The following CHST9 variants were observed in gnomAD, a reference collection of about 807,000 sequenced individuals.
The protein encoded by CHST9 is GalNAc-4-sulfotransferase 2.
In CHST9, 41 loss-of-function variants were observed where a neutral mutation model predicts 44.4. That is an observed-to-expected ratio of 0.92 (90% CI 0.72 to 1.20). The LOEUF (loss-of-function observed/expected upper bound fraction) is 1.20, where lower values mean the gene tolerates loss of function less well. Among genes scored for constraint, CHST9 ranks in the 50% most tolerant of loss-of-function variants. The pLI is 0.00. For synonymous variants in CHST9, 171 were observed against 178.4 expected (o/e 0.96, Z 0.33); for missense variants, 504 against 516.5 (o/e 0.98, Z 0.23).
chr18:27,152,341 CTTT>C (rs11383019), intron 1 of CHST9, among the ~76,000 whole-genome samples: 1 of 148,908 alleles, frequency 6.7e-6, no homozygotes, highest in Non-Finnish European at 1.5e-5. Context: ...AGTGTAGAGT[CTTT>C]TTTTTTTCAT....
At chr18:27,023,980 C>T in intron 4 of CHST9, 136 bp downstream of exon 4, 1 of 805,600 alleles carries the variant, frequency 1.2e-6, no homozygotes, top group South Asian at 1.6e-5. Flanking sequence ...GCCACCTAGG[C>T]AGTGCTTCCT....
intron 1 of CHST9, among the ~76,000 whole-genome samples, chr18:27,172,944 C>T (rs11872883): frequency 0.72 from 109,066 of 151,766 alleles, 39,456 homozygotes; most frequent in East Asian, 0.77. Flanking sequence ...TAAGTTACCA[C>T]ACATATCTGC....
intron 2 of CHST9, among the ~76,000 whole-genome samples, chr18:27,135,668 A>G (rs2143848420): frequency 6.6e-6 from 1 of 152,314 alleles, no homozygotes; most frequent in Admixed American, 6.5e-5. Flanking sequence ...CCGCACTCCC[A>G]GCCTGGCAAA....
At chr18:27,073,409 G>T (rs937381748) in intron 2 of CHST9, among the ~76,000 whole-genome samples, 5 of 123,308 alleles carry the variant, frequency 4.1e-5, no homozygotes, top group African/African-American at 1.5e-4. Flanking sequence ...GGGGGTGGGG[G>T]GTGGGGGTGG....
At chr18:27,016,817 CTTTA>C (rs1403715822) in intron 4 of CHST9, among the ~76,000 whole-genome samples, 5 of 152,154 alleles carry the variant, frequency 3.3e-5, no homozygotes, top group African/African-American at 1.2e-4. Flanking sequence ...ATATTAAAGA[CTTTA>C]TTTAAATACT....
intron 2 of CHST9, among the ~76,000 whole-genome samples, chr18:27,073,408 G>T (rs1464542681): frequency 7.9e-6 from 1 of 126,962 alleles, no homozygotes; most frequent in African/African-American, 2.9e-5. Context: ...TGGGGGTGGG[G>T]GGTGGGGGTG....
At chr18:27,158,857 G>A (rs1360498393) in intron 1 of CHST9, among the ~76,000 whole-genome samples, 1 of 152,300 alleles carries the variant, frequency 6.6e-6, no homozygotes, top group Non-Finnish European at 1.5e-5. Context: ...GATGGCCAGT[G>A]ATGATGAGCA....
intron 3 of CHST9, among the ~76,000 whole-genome samples, chr18:27,029,772 T>C (rs1392181376): frequency 6.6e-6 from 1 of 152,174 alleles, no homozygotes; most frequent in African/African-American, 2.4e-5. Flanking sequence ...GACGCAACCA[T>C]GTTTTTTCCC....
At chr18:27,057,459 C>T (rs1048078301) in intron 2 of CHST9, among the ~76,000 whole-genome samples, 8 of 152,172 alleles carry the variant, frequency 5.3e-5, no homozygotes, top group South Asian at 2.1e-4. Flanking sequence ...CACCAGCCTC[C>T]GCAGACATTG....
intron 3 of CHST9, among the ~76,000 whole-genome samples, chr18:27,046,453 G>A (rs973688996): frequency 2.6e-5 from 4 of 151,936 alleles, no homozygotes; most frequent in Non-Finnish European, 5.9e-5. Context: ...GTCTTTCTTA[G>A]CCAGGAGATA....
At chr18:27,161,854 A>G (rs531681614) in intron 1 of CHST9, among the ~76,000 whole-genome samples, 2,593 of 151,842 alleles carry the variant, frequency 0.017, 63 homozygotes, top group African/African-American at 0.058. Flanking sequence ...TCCCTTTACC[A>G]TTATGTAATG....
At chr18:27,168,232 G>A (rs1011001444) in intron 1 of CHST9, among the ~76,000 whole-genome samples, 4 of 151,982 alleles carry the variant, frequency 2.6e-5, no homozygotes, top group Non-Finnish European at 5.9e-5. Context: ...CCACCACCAC[G>A]CCCGGCTAAT....
chr18:27,119,422 G>C (rs1417437987), intron 2 of CHST9, among the ~76,000 whole-genome samples: 1 of 151,986 alleles, frequency 6.6e-6, no homozygotes, highest in Non-Finnish European at 1.5e-5. Flanking sequence ...TTACTAGCTA[G>C]GTAATATTAA....
chr18:26,916,686 T>A lies in CHST9; in HGVS notation c.905A>T (p.His302Leu), dbSNP rs1405903569. The A allele has an allele frequency of 6.2e-7, 1 of 1,613,816 alleles. No homozygotes were observed. The highest frequency in any genetic ancestry group is 2.2e-5 in the East Asian group (1 of 44,890). ...DKFEHPNSYY[H>L]PVFGKAIIKK... ...GATAATTGCCTTTCCGAATACTGGA[T>A]GGTAATAACTATTGGGGTGTTCAAA... Residue 302 changes from histidine (H) to leucine (L), a missense_variant, in exon 6 of 6, where the codon CAT becomes CTT. Physicochemically the swap from His to Leu is moderately conservative, Grantham distance 99. Transcript: ENST00000618847.
intron 2 of CHST9, among the ~76,000 whole-genome samples, chr18:27,062,349 C>A (rs1007446329): frequency 1.8e-4 from 27 of 151,352 alleles, no homozygotes; most frequent in African/African-American, 6.1e-4. Context: ...GTGTGATGTT[C>A]CCCTTCCTTT....
intron 4 of CHST9, among the ~76,000 whole-genome samples, chr18:26,961,740 T>C (rs1341708476): frequency 6.6e-6 from 1 of 152,218 alleles, no homozygotes; most frequent in African/African-American, 2.4e-5. Flanking sequence ...CTTTTGCTTT[T>C]CAAAACTTTT....
intron 1 of CHST9, among the ~76,000 whole-genome samples, chr18:27,176,126 G>A (rs1218012318): frequency 1.3e-5 from 2 of 152,008 alleles, no homozygotes; most frequent in Non-Finnish European, 2.9e-5. Context: ...AGGGAAGAAT[G>A]GGAGCATCTA....
At chr18:27,021,572 T>C (rs1031398698) in intron 4 of CHST9, among the ~76,000 whole-genome samples, 2 of 152,186 alleles carry the variant, frequency 1.3e-5, no homozygotes, top group African/African-American at 4.8e-5. Context: ...CAGGTGTGGC[T>C]GTACCTGCAA....
chr18:27,052,256 A>ATATATATGTG (rs2057575614), intron 2 of CHST9, among the ~76,000 whole-genome samples: 1 of 146,668 alleles, frequency 6.8e-6, no homozygotes, highest in Non-Finnish European at 1.5e-5. Context: ...GTGTGTGTGT[A>ATATATATGTG]TATATATATG....
Sources: allele counts gnomAD v4.1 joint callset (sites outside exome capture counted in the v4.1 genomes callset), GRCh38; gene constraint gnomAD v4.1.1; transcripts MANE v1.5; gene names NCBI Gene and HGNC (gene_info 2026-07-23, HGNC 2026-07-21).